TRAK2: variants seen among roughly 807,000 people sequenced by gnomAD.
The protein encoded by TRAK2 is trafficking kinesin protein 2, also known as trafficking kinesin-binding protein 2.
TRAK2 carries 81 observed loss-of-function variants against 104.6 expected under a neutral mutation model. That is an observed-to-expected ratio of 0.77 (90% CI 0.65 to 0.93). The LOEUF (loss-of-function observed/expected upper bound fraction) is 0.93. Among genes scored for constraint, TRAK2 ranks in the 40% least tolerant of loss-of-function variants. The pLI is 0.00. For missense variants in TRAK2, 1,002 were observed against 1,089.0 expected, an observed-to-expected ratio of 0.92 and a Z score of 1.12; for synonymous variants, 406 against 394.4, an observed-to-expected ratio of 1.03 and a Z score of -0.35.
intron 1 of TRAK2, among the ~76,000 whole-genome samples, chr2:201,426,839 T>C (rs1193970600): frequency 6.6e-6 from 1 of 152,208 alleles, no homozygotes; most frequent in African/African-American, 2.4e-5. Context: ...CCTTTGGACA[T>C]GCCCTGTCTA....
At position 201,386,211 on chromosome 2, in the gene TRAK2, T is replaced by C. The variant is rs770496632; in HGVS notation, c.1963+7A>G. On this transcript the variant is annotated splice_region_variant and intron_variant, in intron 14 of 15. Transcript: ENST00000332624. ...TTATACCATATTCAACCAGACACTC[T>C]TCTCACCTGTAACTGGTCCACCTGC... The C allele has an allele frequency of 2.4e-5, 39 of 1,613,902 alleles. No individual in the cohort carries two copies. In the Admixed American group the frequency reaches 6.5e-4, roughly 27 times the overall value.
chr2:201,395,008 T>TTCGAATACAAATACAAATACGAATACAA lies in TRAK2; in HGVS notation c.901-137_901-136insTTGTATTCGTATTTGTATTTGTATTCGA, dbSNP rs1425388679. On this transcript the variant is annotated intron_variant, in intron 8 of 15. Coordinates refer to ENST00000332624, the MANE Select transcript of TRAK2 (RefSeq NM_015049.3). ...TACAAAAAGCTAACCTTTCAAAAGC[T>TTCGAATACAAATACAAATACGAATACAA]AAATAAGATAGGCATTCGAATACAA... 1.4e-5 allele frequency: 11 copies of TTCGAATACAAATACAAATACGAATACAA among 771,780 alleles called. No individual in the cohort carries two copies. In the East Asian group the frequency reaches 3.0e-4, roughly 21 times the overall value. 47.8% of individuals were successfully genotyped at this position (771,780 alleles called of 1,614,324 possible). A position where few individuals can be genotyped will look rare whatever the true frequency, so the allele number is the denominator to read the frequency against.
chr2:201,420,966 A>G (rs954671131), intron 1 of TRAK2, among the ~76,000 whole-genome samples: 6 of 152,212 alleles, frequency 3.9e-5, no homozygotes, highest in African/African-American at 1.4e-4. Flanking sequence ...GGGAGGAATT[A>G]CTAAGGGGCA....
chr2:201,411,067 T>C (rs1017829347), intron 2 of TRAK2: 192 of 1,181,200 alleles, frequency 1.6e-4, no homozygotes, highest in Admixed American at 3.6e-4. Flanking sequence ...GAAAACATCA[T>C]GTCAATGCCC....
intron 14 of TRAK2, among the ~76,000 whole-genome samples, chr2:201,385,607 A>G (rs1022299494): frequency 2.0e-5 from 3 of 152,200 alleles, no homozygotes; most frequent in Non-Finnish European, 2.9e-5. Flanking sequence ...ATAGCTACAC[A>G]TATCTGAAAA....
At chr2:201,416,224 A>AT (rs1432707338) in intron 2 of TRAK2, among the ~76,000 whole-genome samples, 4 of 43,860 alleles carry the variant, frequency 9.1e-5, no homozygotes, top group African/African-American at 1.2e-4. Context: ...CTGACTCTAC[A>AT]TTAAAAAAAA....
chr2:201,409,813 T>C (rs1053691191), intron 2 of TRAK2, among the ~76,000 whole-genome samples: 1 of 152,246 alleles, frequency 6.6e-6, no homozygotes, highest in Non-Finnish European at 1.5e-5. Flanking sequence ...TGAACACTAA[T>C]GACTTGTGAA....
At chr2:201,445,048 T>C (rs972135847) in intron 1 of TRAK2, among the ~76,000 whole-genome samples, 2 of 152,156 alleles carry the variant, frequency 1.3e-5, no homozygotes, top group African/African-American at 2.4e-5. Flanking sequence ...CAAATAAATA[T>C]AGATAAGCTC....
chr2:201,389,916 T>C (rs185542195), intron 10 of TRAK2, 36 bp from the exon 11 acceptor site: 3 of 1,550,456 alleles, frequency 1.9e-6, no homozygotes, highest in East Asian at 2.2e-5. Context: ...AAAGTGATTG[T>C]TGCCCTTAAA....
intron 1 of TRAK2, among the ~76,000 whole-genome samples, chr2:201,427,098 ATACAG>A (rs1448515283): frequency 1.3e-5 from 2 of 152,226 alleles, no homozygotes; most frequent in African/African-American, 2.4e-5. Context: ...GGTACCCAAC[ATACAG>A]TAGACACTCA....
At position 201,407,546 on chromosome 2, in the gene TRAK2, T is replaced by C. The variant is rs773487188; in HGVS notation, c.143A>G (p.Glu48Gly). Residue 48 changes from glutamate to glycine, a missense_variant, in exon 3 of 16, where the codon GAA becomes GGA. Coordinates refer to ENST00000332624, the MANE Select transcript of TRAK2 (RefSeq NM_015049.3). ...LPEVELVSLL[E>G]EQLPQYRLKV... ...TAGCCTATACTGTGGTAGTTGTTCT[T>C]CTAGCAGACTCACCAGCTCAACTTC... The C allele has an allele frequency of 3.1e-6, 5 of 1,614,038 alleles. No homozygotes were observed. The South Asian group carries it at 4.4e-5, about 14-fold the overall frequency.
At chr2:201,406,105 ATT>A (rs1437084570) in intron 3 of TRAK2, among the ~76,000 whole-genome samples, 1 of 152,244 alleles carries the variant, frequency 6.6e-6, no homozygotes. Context: ...AAGCAAGCAA[ATT>A]CTCAAACTAA....
intron 2 of TRAK2, among the ~76,000 whole-genome samples, chr2:201,410,371 A>G (rs1951635039): frequency 2.0e-5 from 3 of 152,156 alleles, no homozygotes; most frequent in Admixed American, 2.0e-4. Context: ...GTGCTTTAAA[A>G]AAACTCAACT....
Position 201,392,911 on chromosome 2 carries a change from C to T in TRAK2, c.1111G>A (p.Gly371Arg), listed in dbSNP as rs1033696121. ...TAGCATCTTTCTTAGTTGCTTACCC[C>T]AGTAAAAGCTCCATATGATTGGGAG... ...YFSQSYGAFTGESLAAEIEGT... is the reference protein window; with the variant it reads ...YFSQSYGAFTRESLAAEIEGT... Residue 371 changes from glycine (G) to arginine (R), a missense_variant and splice_region_variant, in exon 10 of 16, where the codon GGG (glycine) becomes AGG (arginine). Coordinates refer to ENST00000332624, the MANE Select transcript of TRAK2 (RefSeq NM_015049.3). 3.1e-6 allele frequency: 5 copies of T among 1,608,590 alleles called. No homozygotes were observed. In the African/African-American group the frequency reaches 6.7e-5, roughly 22 times the overall value.
chr2:201,386,515 G>T, intron 13 of TRAK2, 31 bp from the exon 14 acceptor site: 1 of 1,606,756 alleles, frequency 6.2e-7, no homozygotes, highest in Non-Finnish European at 8.5e-7. Flanking sequence ...AAGGGGAAAG[G>T]CATGTTTTAC....
At chr2:201,420,362 T>G in intron 2 of TRAK2, 55 bp downstream of exon 2, 1 of 1,459,990 alleles carries the variant, frequency 6.8e-7, no homozygotes, top group South Asian at 1.1e-5. Context: ...GACTGAGGCA[T>G]TTGCATTTTC....
At chr2:201,406,437 T>A (rs1193587379) in intron 3 of TRAK2, among the ~76,000 whole-genome samples, 2 of 152,084 alleles carry the variant, frequency 1.3e-5, no homozygotes, top group African/African-American at 2.4e-5. Flanking sequence ...ATGTTTATAA[T>A]TTTTTTTGAG....
In TRAK2 at chr2:201,378,058, T is replaced by C. The variant is rs532685714; in HGVS notation, c.*2485A>G. The stretch of plus-strand genomic sequence containing the variant: ...GCAGACAATTCTAGTATTATAGAGA[T>C]TATCAGGATATACCAAAAATGATTT... On this transcript the variant is annotated 3_prime_UTR_variant, in exon 16 of 16. Transcript: ENST00000332624. 5 of 152,300 alleles carry C rather than the reference T, an allele frequency of 3.3e-5. No homozygotes were observed. In the East Asian group the frequency reaches 7.7e-4, roughly 23 times the overall value. The allele number at this position is 152,300 out of a possible 1,614,324, so 9.4% of individuals were successfully genotyped here.
chr2:201,430,487 C>T (rs189680116), intron 1 of TRAK2, among the ~76,000 whole-genome samples: 1 of 152,348 alleles, frequency 6.6e-6, no homozygotes, highest in East Asian at 1.9e-4. Flanking sequence ...TCAGTTTGAG[C>T]TTCCCGGCTT....
Sources: gnomAD v4.1 joint callset for allele counts (sites outside exome capture counted in the v4.1 genomes callset) on GRCh38, gnomAD v4.1.1 for gene constraint, MANE v1.5 for transcripts, NCBI Gene and HGNC (gene_info 2026-07-23, HGNC 2026-07-21) for gene names.